The following MAGI2 variants were observed in gnomAD, a reference collection of about 807,000 sequenced individuals.
MAGI2 encodes the protein membrane-associated guanylate kinase, WW and PDZ domain-containing protein 2.
MAGI2 carries 35 observed loss-of-function variants against 133.3 expected under a neutral mutation model. The ratio of observed to expected loss-of-function variants is 0.26; its 90% CI spans 0.20 to 0.35. MAGI2 has a LOEUF of 0.35. MAGI2 is among the 10% of genes least tolerant of loss of function. The pLI, the probability that MAGI2 is intolerant of heterozygous loss-of-function variation, is 1.00. For missense variants in MAGI2, 1,636 were observed against 1,863.4 expected, an observed-to-expected ratio of 0.88 and a Z score of 2.25; for synonymous variants, 729 against 710.6, an observed-to-expected ratio of 1.03 and a Z score of -0.41.
intron 1 of MAGI2, among the ~76,000 whole-genome samples, chr7:79,424,152 T>A (rs1166081197): frequency 6.6e-6 from 1 of 152,094 alleles, no homozygotes; most frequent in African/African-American, 2.4e-5. Context: ...CTAGTGTCCA[T>A]GTGCAGTAGA....
At chr7:78,918,164 G>T (rs2151628655) in intron 2 of MAGI2, among the ~76,000 whole-genome samples, 1 of 152,260 alleles carries the variant, frequency 6.6e-6, no homozygotes, top group African/African-American at 2.4e-5. Flanking sequence ...AATAGCAAAA[G>T]ACACTTCTAT....
At chr7:78,426,285 A>G (rs1799266164) in intron 6 of MAGI2, among the ~76,000 whole-genome samples, 1 of 152,214 alleles carries the variant, frequency 6.6e-6, no homozygotes, top group Non-Finnish European at 1.5e-5. Context: ...AATTACAGAG[A>G]GAAAAACAAA....
rs112999983 is a variant in MAGI2, at chr7:79,002,664, C to A, written c.418+4426G>T. On this transcript the variant is annotated intron_variant, in intron 2 of 21. Coordinates refer to ENST00000354212, the MANE Select transcript of MAGI2 (RefSeq NM_012301.4). Reference sequence around the variant, plus strand: ...CCCCAAAACTGTAAAATAAACTCAACATTTACAGGCTTCAATGAGAAAAAA... The same window carrying A: ...CCCCAAAACTGTAAAATAAACTCAAAATTTACAGGCTTCAATGAGAAAAAA... Among the ~76,000 whole-genome samples, 123 of 151,926 alleles carry A rather than the reference C, an allele frequency of 8.1e-4. 1 individual carries two copies. The highest frequency in any genetic ancestry group is 2.7e-3 in the African/African-American group (113 of 41,408).
chr7:79,004,663 C>A (rs1807252899), intron 2 of MAGI2, among the ~76,000 whole-genome samples: 1 of 152,040 alleles, frequency 6.6e-6, no homozygotes, highest in Admixed American at 6.6e-5. Flanking sequence ...CCTCAAATAC[C>A]TTGACTTGAT....
At chr7:78,529,559 T>C (rs1797259545) in intron 3 of MAGI2, among the ~76,000 whole-genome samples, 1 of 152,024 alleles carries the variant, frequency 6.6e-6, no homozygotes, top group Admixed American at 6.6e-5. Context: ...TTAAATCCCT[T>C]AGAATAGCAC....
At chr7:78,287,865 A>G (rs1796304836) in intron 9 of MAGI2, among the ~76,000 whole-genome samples, 1 of 152,220 alleles carries the variant, frequency 6.6e-6, no homozygotes, top group African/African-American at 2.4e-5. Flanking sequence ...TGACAATTAT[A>G]ATAGATTCAG....
intron 2 of MAGI2, among the ~76,000 whole-genome samples, chr7:78,736,096 A>T (rs1821824222): frequency 6.6e-6 from 1 of 152,220 alleles, no homozygotes. Context: ...GAGAGATAAG[A>T]TCACATATTG....
At chr7:78,912,113 A>T (rs1798444619) in intron 2 of MAGI2, among the ~76,000 whole-genome samples, 1 of 152,338 alleles carries the variant, frequency 6.6e-6, no homozygotes, top group East Asian at 1.9e-4. Flanking sequence ...ATATTCTTAA[A>T]CTGCAAGTTT....
chr7:78,702,543 G>A (rs1056152859), intron 2 of MAGI2, among the ~76,000 whole-genome samples: 2 of 151,984 alleles, frequency 1.3e-5, no homozygotes, highest in Admixed American at 6.6e-5. Context: ...CTTAATACAT[G>A]TGAAATAATT....
intron 3 of MAGI2, among the ~76,000 whole-genome samples, chr7:78,584,075 C>A (rs1803133933): frequency 6.6e-6 from 1 of 152,126 alleles, no homozygotes; most frequent in South Asian, 2.1e-4. Flanking sequence ...AATCAAACAA[C>A]AATAAACATT....
chr7:78,064,068 T>C (rs6977897), intron 21 of MAGI2, among the ~76,000 whole-genome samples: 78,644 of 151,990 alleles, frequency 0.52, 20,839 homozygotes, highest in East Asian at 0.7. Flanking sequence ...AAGTAAATTA[T>C]ATGGCAAGCA....
intron 9 of MAGI2, among the ~76,000 whole-genome samples, chr7:78,301,706 C>T (rs1161034309): frequency 1.3e-5 from 2 of 152,206 alleles, no homozygotes; most frequent in African/African-American, 2.4e-5. Context: ...CTTATGCTAG[C>T]TTCCTGGCAT....
At chr7:79,028,243 A>ATATATG (rs1382028504) in intron 1 of MAGI2, among the ~76,000 whole-genome samples, 3 of 48,586 alleles carry the variant, frequency 6.2e-5, no homozygotes, top group Non-Finnish European at 8.1e-5. Context: ...ATGTATATAT[A>ATATATG]TATATATATA....
In MAGI2 at chr7:78,360,376, A is replaced by C. The variant is rs541851363; in HGVS notation, c.1103+8780T>G. On this transcript the variant is annotated intron_variant, in intron 7 of 21. Coordinates refer to ENST00000354212, the MANE Select transcript of MAGI2 (RefSeq NM_012301.4). ...CACCAAGAGGATAGGATCTTGAGGA[A>C]ATGTTAGGGTAATTTTGACTCAGCC... Among the ~76,000 whole-genome samples the C allele has an allele frequency of 1.8e-4, 28 of 152,296 alleles. No homozygotes were observed. In the South Asian group the frequency reaches 5.8e-3, roughly 32 times the overall value.
chr7:79,188,613 T>C (rs1002719308), intron 1 of MAGI2, among the ~76,000 whole-genome samples: 1 of 151,848 alleles, frequency 6.6e-6, no homozygotes, highest in Non-Finnish European at 1.5e-5. Context: ...TCTTGATTTG[T>C]TAAATAATGG....
At chr7:78,238,761 C>T (rs1790823834) in intron 10 of MAGI2, among the ~76,000 whole-genome samples, 1 of 152,138 alleles carries the variant, frequency 6.6e-6, no homozygotes, top group Non-Finnish European at 1.5e-5. Flanking sequence ...CTCAACACAG[C>T]AGCTAGCACG....
intron 2 of MAGI2, among the ~76,000 whole-genome samples, chr7:78,644,731 T>C (rs1459170175): frequency 6.6e-6 from 1 of 151,972 alleles, no homozygotes; most frequent in Non-Finnish European, 1.5e-5. Flanking sequence ...CGGAAACTGG[T>C]AAAAGGACAG....
intron 6 of MAGI2, among the ~76,000 whole-genome samples, chr7:78,451,960 C>T (rs573959399): frequency 6.6e-6 from 1 of 152,192 alleles, no homozygotes; most frequent in East Asian, 1.9e-4. Context: ...AGAATCACAT[C>T]TATCACACGA....
rs559295778 is a variant in MAGI2, at chr7:78,691,918, T to G, written c.419-64679A>C. On this transcript the variant is annotated intron_variant, in intron 2 of 21. Transcript: ENST00000354212. Reference sequence around the variant, plus strand: ...TACTATGGACTTTAAGTGATAATGATGTGTCAGTAAAGGCTTATCGATTGT... The same window carrying G: ...TACTATGGACTTTAAGTGATAATGAGGTGTCAGTAAAGGCTTATCGATTGT... Among the ~76,000 whole-genome samples the G allele has an allele frequency of 6.6e-5, 10 of 152,292 alleles. No individual in the cohort carries two copies. In the South Asian group the frequency reaches 2.1e-3, roughly 32 times the overall value.
Sources: allele counts gnomAD v4.1 joint callset (sites outside exome capture counted in the v4.1 genomes callset), GRCh38; gene constraint gnomAD v4.1.1; transcripts MANE v1.5; gene names NCBI Gene and HGNC (gene_info 2026-07-23, HGNC 2026-07-21).